FOXK1: variants seen among roughly 807,000 people sequenced by gnomAD.
FOXK1 encodes forkhead box K1.
In FOXK1, 19 loss-of-function variants were observed where a neutral mutation model predicts 51.9. The ratio of observed to expected loss-of-function variants is 0.37; its 90% CI spans 0.26 to 0.54. The LOEUF (loss-of-function observed/expected upper bound fraction) is 0.54. FOXK1 is among the 20% of genes least tolerant of loss of function. The pLI, the probability that FOXK1 is intolerant of heterozygous loss-of-function variation, is 0.87. For synonymous variants in FOXK1, 537 were observed against 482.6 expected, an observed-to-expected ratio of 1.11 and a Z score of -1.48; for missense variants, 870 against 1,032.7, an observed-to-expected ratio of 0.84 and a Z score of 2.16.
rs11982592 is a variant in FOXK1, at chr7:4,748,920, C to T, written c.747-5539C>T. 9.1e-3 allele frequency among the ~76,000 whole-genome samples: 1,382 copies of T among 152,276 alleles called. 22 individuals carry two copies. The highest frequency in any genetic ancestry group is 0.032 in the African/African-American group (1,328 of 41,556). On this transcript the variant is annotated intron_variant, in intron 2 of 8. Coordinates refer to ENST00000328914, the MANE Select transcript of FOXK1 (RefSeq NM_001037165.2). The surrounding 1 kb of genome is among the most constrained non-coding windows in gnomAD (Gnocchi z 4.9). ...TCTTGAACTCCTGTGCTCAAGTTAT[C>T]TGCCCACCTCAGCCTCCCAAAGCGC... is the stretch of plus-strand genomic sequence containing the variant.
chr7:4,717,976 G>C (rs934376201), intron 1 of FOXK1, among the ~76,000 whole-genome samples: 1 of 152,126 alleles, frequency 6.6e-6, no homozygotes, highest in Non-Finnish European at 1.5e-5. Flanking sequence ...ACAGACCCTG[G>C]TTTATGGTTT....
intron 1 of FOXK1, among the ~76,000 whole-genome samples, chr7:4,688,815 G>T (rs1252910566): frequency 6.6e-6 from 1 of 151,902 alleles, no homozygotes; most frequent in African/African-American, 2.4e-5. Context: ...CTAGACCCGG[G>T]GATTCCATCA....
intron 1 of FOXK1, among the ~76,000 whole-genome samples, chr7:4,740,631 A>G (rs1400120835): frequency 6.6e-6 from 1 of 152,052 alleles, no homozygotes; most frequent in Non-Finnish European, 1.5e-5. Context: ...AAAATAAAAT[A>G]AAGAAATAGA....
rs191453645 is a variant in FOXK1, at chr7:4,735,736, G to A, written c.561-5102G>A. 2.6e-5 allele frequency among the ~76,000 whole-genome samples: 4 copies of A among 152,268 alleles called. No individual in the cohort carries two copies. Among genetic ancestry groups the A allele is most frequent in the East Asian group, 3.9e-4 (2 of 5,176 alleles). On this transcript the variant is annotated intron_variant, in intron 1 of 8. Coordinates refer to ENST00000328914, the MANE Select transcript of FOXK1 (RefSeq NM_001037165.2). This position sits in a 1 kb window ranked among gnomAD's most constrained non-coding sequence, Gnocchi z 4.7. ...TGTGTGTGGCTGGGTTTAAACCACC[G>A]TGCAGCACCTTCACGATGCAAAACG...
In FOXK1 at chr7:4,761,450, G is replaced by A. The variant is rs973045101; in HGVS notation, c.1921+162G>A. Among the ~76,000 whole-genome samples the A allele has an allele frequency of 5.3e-5, 8 of 152,206 alleles. No individual in the cohort carries two copies. Among genetic ancestry groups the A allele is most frequent in the Admixed American group, 6.5e-5 (1 of 15,282 alleles). On this transcript the variant is annotated intron_variant, in intron 8 of 8. Coordinates refer to ENST00000328914, the MANE Select transcript of FOXK1 (RefSeq NM_001037165.2). The surrounding 1 kb of genome is among the most constrained non-coding windows in gnomAD (Gnocchi z 6.2). The stretch of plus-strand genomic sequence containing the variant: ...GGCACTGGGGTAATGCAAAGAAAAA[G>A]AGGGTGGAAGGGGCCACCTATCATC...
At chr7:4,717,501 T>G (rs970908354) in intron 1 of FOXK1, among the ~76,000 whole-genome samples, 1 of 146,812 alleles carries the variant, frequency 6.8e-6, no homozygotes, top group South Asian at 2.2e-4. Flanking sequence ...GGGAGGCGTA[T>G]GGCTGGGAGG....
chr7:4,682,861 C>G lies in FOXK1; in HGVS notation c.553C>G (p.Pro185Ala). The stretch of plus-strand genomic sequence containing the variant: ...ACGCGGCGCGCCCGCCCTGCAGCTG[C>G]CCAAGCAGTGAGTGGCCCCGCGACC... ...QRRGAPALQL[P>A]KQCTFRFPST... is the part of the protein sequence containing the mutation. Residue 185 changes from proline to alanine, a missense_variant, in exon 1 of 9, where the codon CCC becomes GCC. Physicochemically the swap from Pro to Ala is conservative, Grantham distance 27. Coordinates refer to ENST00000328914, the MANE Select transcript of FOXK1 (RefSeq NM_001037165.2). The surrounding 1 kb of genome is among the most constrained non-coding windows in gnomAD (Gnocchi z 7.6). The G allele has an allele frequency of 1.3e-6, 2 of 1,528,808 alleles. No homozygotes were observed. The highest frequency in any genetic ancestry group is 1.8e-6 in the Non-Finnish European group (2 of 1,141,182). 94.7% of individuals were successfully genotyped at this position (1,528,808 alleles called of 1,614,324 possible). A position where few individuals can be genotyped will look rare whatever the true frequency, so the allele number is the denominator to read the frequency against.
At chr7:4,738,945 C>G (rs555932710) in intron 1 of FOXK1, among the ~76,000 whole-genome samples, 1 of 151,326 alleles carries the variant, frequency 6.6e-6, no homozygotes, top group South Asian at 2.1e-4. Context: ...TGAAGCGGGT[C>G]CCTGGGAAGA....
rs1261880146 is a variant in FOXK1, at chr7:4,758,147, G to A, written c.1245-904G>A. 1.3e-5 allele frequency: 2 copies of A among 152,274 alleles called. No individual in the cohort carries two copies. Among genetic ancestry groups the A allele is most frequent in the Admixed American group, 6.5e-5 (1 of 15,288 alleles). 9.4% of individuals were successfully genotyped at this position (152,274 alleles called of 1,614,324 possible). On this transcript the variant is annotated intron_variant, in intron 5 of 8. Coordinates refer to ENST00000328914, the MANE Select transcript of FOXK1 (RefSeq NM_001037165.2). This position sits in a 1 kb window ranked among gnomAD's most constrained non-coding sequence, Gnocchi z 4.4. Reference sequence around the variant, plus strand: ...AGGACCCGGGGAGAGCCCAATCTTCGAAGGGACAGATGAGGGGTATGACCT... The same window carrying A: ...AGGACCCGGGGAGAGCCCAATCTTCAAAGGGACAGATGAGGGGTATGACCT...
rs749835734 is a variant in FOXK1, at chr7:4,747,572, A to G, written c.746+6549A>G. ...GTTTTTTGGGACAGGGTCTCACTCT[A>G]TTGCCCAGGCTGGAGTGCAGTGGCA... On this transcript the variant is annotated intron_variant, in intron 2 of 8. Transcript: ENST00000328914. The surrounding 1 kb of genome is among the most constrained non-coding windows in gnomAD (Gnocchi z 9.2). 7.9e-5 allele frequency among the ~76,000 whole-genome samples: 12 copies of G among 152,012 alleles called. No individual in the cohort carries two copies. The highest frequency in any genetic ancestry group is 1.2e-4 in the African/African-American group (5 of 41,350).
rs112116409 is a variant in FOXK1 at position 4,715,853 on chromosome 7, C to A, written c.561-24985C>A. Among the ~76,000 whole-genome samples, 2,547 of 152,320 alleles carry A rather than the reference C, an allele frequency of 0.017. 68 individuals carry two copies. Among genetic ancestry groups the A allele is most frequent in the African/African-American group, 0.057 (2,354 of 41,558 alleles). The stretch of plus-strand genomic sequence containing the variant: ...GGAAAAGCAAAACTCACAAGACAAT[C>A]CTTCCAGCCACTGGTCACAGGATGG... On this transcript the variant is annotated intron_variant, in intron 1 of 8. Coordinates refer to ENST00000328914, the MANE Select transcript of FOXK1 (RefSeq NM_001037165.2). The surrounding 1 kb of genome is among the most constrained non-coding windows in gnomAD (Gnocchi z 4.5).
At chr7:4,759,864 C>G in intron 7 of FOXK1, 1 of 549,842 alleles carries the variant, frequency 1.8e-6, no homozygotes, top group Non-Finnish European at 3.2e-6. Context: ...AACCCCGTCT[C>G]TACTGAAAAT....
At chr7:4,686,864 G>A (rs1481991942) in intron 1 of FOXK1, among the ~76,000 whole-genome samples, 2 of 151,484 alleles carry the variant, frequency 1.3e-5, no homozygotes, top group Non-Finnish European at 2.9e-5. Flanking sequence ...GTTATGGGGA[G>A]GGGGGTGAGG....
At position 4,755,194 on chromosome 7, in the gene FOXK1, G is replaced by A. The variant is rs369251542; in HGVS notation, c.904-43G>A. 3 of 1,604,762 alleles carry A rather than the reference G, an allele frequency of 1.9e-6. No individual in the cohort carries two copies. The highest frequency in any genetic ancestry group is 2.6e-6 in the Non-Finnish European group (3 of 1,174,022). ...TGACGGGTGGGTGGGGTAGACTCAG[G>A]GACCTTGCTGGAGCTCATCCCGTGA... On this transcript the variant is annotated intron_variant, in intron 3 of 8. Coordinates refer to ENST00000328914, the MANE Select transcript of FOXK1 (RefSeq NM_001037165.2). The surrounding 1 kb of genome is among the most constrained non-coding windows in gnomAD (Gnocchi z 6.6).
At chr7:4,741,568 T>G (rs1436501496) in intron 2 of FOXK1, among the ~76,000 whole-genome samples, 2 of 152,200 alleles carry the variant, frequency 1.3e-5, no homozygotes, top group Non-Finnish European at 1.5e-5. Context: ...CAACCTCAAA[T>G]GATCCACCCG....
intron 2 of FOXK1, among the ~76,000 whole-genome samples, chr7:4,751,984 A>C (rs1304679182): frequency 4.6e-5 from 7 of 152,012 alleles, no homozygotes; most frequent in East Asian, 1.9e-4. Context: ...ATAAGGTCTC[A>C]CTCTGTTGCC....
At chr7:4,752,781 T>A (rs1006203197) in intron 2 of FOXK1, among the ~76,000 whole-genome samples, 12 of 152,182 alleles carry the variant, frequency 7.9e-5, no homozygotes, top group Non-Finnish European at 1.0e-4. Context: ...TGCACAGGCG[T>A]GTGCTGGCCC....
chr7:4,734,889 A>G lies in FOXK1; in HGVS notation c.561-5949A>G, dbSNP rs1442033070. ...ACGGGGCGAGGGGACAGCGGTGGAC[A>G]GGAGCGATCTGTCACATTCATTTTA... On this transcript the variant is annotated intron_variant, in intron 1 of 8. Transcript: ENST00000328914. This position sits in a 1 kb window ranked among gnomAD's most constrained non-coding sequence, Gnocchi z 5.2. Among the ~76,000 whole-genome samples, 1 of 152,208 alleles carries G rather than the reference A, an allele frequency of 6.6e-6. No individual in the cohort carries two copies. Among genetic ancestry groups the G allele is most frequent in the Non-Finnish European group, 1.5e-5 (1 of 68,036 alleles).
chr7:4,682,427 C>T lies in FOXK1; in HGVS notation c.119C>T (p.Pro40Leu). ...GCCGCCTTCCCCGCGGCCGCACCCC[C>T]GCCGGCCCCCGCGCAGCCCCAGCCT... ...AAAAFPAAAP[P>L]PAPAQPQPPP... Residue 40 changes from proline to leucine, a missense_variant, in exon 1 of 9, where the codon CCG (proline) becomes CTG (leucine). This residue lies in a region of FOXK1 where 399 missense variants were observed against 475.6 expected (regional missense o/e 0.84). Coordinates refer to ENST00000328914, the MANE Select transcript of FOXK1 (RefSeq NM_001037165.2). This position sits in a 1 kb window ranked among gnomAD's most constrained non-coding sequence, Gnocchi z 7.6. 1.0e-6 allele frequency: 1 copy of T among 981,152 alleles called. No individual in the cohort carries two copies. The highest frequency in any genetic ancestry group is 1.2e-6 in the Non-Finnish European group (1 of 828,592). 60.8% of individuals were successfully genotyped at this position (981,152 alleles called of 1,614,324 possible). A position where few individuals can be genotyped will look rare whatever the true frequency, so the allele number is the denominator to read the frequency against.
Sources: allele counts gnomAD v4.1 joint callset (sites outside exome capture counted in the v4.1 genomes callset), GRCh38; gene constraint gnomAD v4.1.1; regional missense constraint gnomAD v4.1.1; non-coding constraint Gnocchi (gnomAD v3.1); transcripts MANE v1.5; gene names NCBI Gene and HGNC (gene_info 2026-07-23, HGNC 2026-07-21).